The following SCNN1A variants were observed in gnomAD, a reference collection of about 807,000 sequenced individuals.
The protein encoded by SCNN1A is sodium channel epithelial 1 subunit alpha, also known as epithelial sodium channel subunit alpha.
Under a neutral mutation model 68.6 loss-of-function variants are expected in SCNN1A, and 65 were observed. That is an observed-to-expected ratio of 0.95 (90% CI 0.78 to 1.16). SCNN1A has a LOEUF of 1.16. Ranked by LOEUF, SCNN1A falls within the 50% of genes most tolerant of loss-of-function variation. SCNN1A has a pLI of 0.00. For missense variants in SCNN1A, 880 were observed against 865.9 expected, an observed-to-expected ratio of 1.02 and a Z score of -0.20; for synonymous variants, 357 against 353.3, an observed-to-expected ratio of 1.01 and a Z score of -0.12.
At chr12:6,348,844 G>C in intron 11 of SCNN1A, 42 bp from the exon 12 acceptor site, 1 of 1,604,754 alleles carries the variant, frequency 6.2e-7, no homozygotes, top group Non-Finnish European at 8.5e-7. Context: ...GGTAGAGGAT[G>C]AATTTCCTGG....
chr12:6,363,342 TGG>T, intron 3 of SCNN1A, 99 bp downstream of exon 3: 1 of 1,056,960 alleles, frequency 9.5e-7, no homozygotes. Context: ...GTGGTGTCAC[TGG>T]GCTGCGCGGG....
chr12:6,355,816 AGTT>A lies in SCNN1A; in HGVS notation c.937_939del (p.Asn313del), dbSNP rs1948487458. 6.2e-7 allele frequency: 1 copy of A among 1,613,500 alleles called. No homozygotes were observed. The highest frequency in any genetic ancestry group is 1.3e-5 in the African/African-American group (1 of 74,884). ...GGCATGGAAGACATCCAGAGGTTGG[AGTT>A]GTTCTTGTCATTGAAAGTATAGCAG... On this transcript the variant is annotated inframe_deletion, in exon 5 of 13. Coordinates refer to ENST00000228916, the MANE Select transcript of SCNN1A (RefSeq NM_001038.6).
At chr12:6,377,218 CA>C, upstream of SCNN1A, 1 of 1,537,496 alleles carries the variant, frequency 6.5e-7, no homozygotes, top group African/African-American at 1.4e-5. Flanking sequence ...AAGCCGGTGT[CA>C]ACCAGGATTC....
At chr12:6,375,132 C>T (rs953907705) in intron 1 of SCNN1A, 2 of 1,479,864 alleles carry the variant, frequency 1.4e-6, no homozygotes, top group Admixed American at 2.1e-5. Context: ...TAGCACCTCC[C>T]TTTCTGTCTC....
At chr12:6,377,102 G>C (rs531831963), upstream of SCNN1A, 13 of 604,074 alleles carry the variant, frequency 2.2e-5, no homozygotes, top group South Asian at 3.0e-4. Flanking sequence ...TGACAAGCAA[G>C]GAGTTTAGCA....
At chr12:6,354,018 C>A (rs909472130) in intron 8 of SCNN1A, 7 of 204,448 alleles carry the variant, frequency 3.4e-5, no homozygotes, top group Non-Finnish European at 6.1e-5. Context: ...ATCATGAGGT[C>A]AGGAGATTGA....
chr12:6,363,356 G>C (rs1565482513), intron 3 of SCNN1A, 87 bp downstream of exon 3: 2 of 1,207,032 alleles, frequency 1.7e-6, no homozygotes, highest in Admixed American at 3.6e-5. Flanking sequence ...CTGCGCGGGC[G>C]GGTCAGGAAA....
intron 8 of SCNN1A, among the ~76,000 whole-genome samples, chr12:6,350,620 T>C (rs1948368669): frequency 6.6e-6 from 1 of 152,120 alleles, no homozygotes; most frequent in Non-Finnish European, 1.5e-5. Flanking sequence ...GTGGATTACC[T>C]GAGGTCAGGA....
At chr12:6,375,293 TCC>T in intron 1 of SCNN1A, 14 of 1,435,384 alleles carry the variant, frequency 9.8e-6, no homozygotes, top group Non-Finnish European at 1.3e-5. Flanking sequence ...TCTCTTCCTC[TCC>T]CCCCCTTGCC....
intron 3 of SCNN1A, among the ~76,000 whole-genome samples, chr12:6,363,059 T>C (rs1948607194): frequency 7.1e-6 from 1 of 141,184 alleles, no homozygotes; most frequent in Non-Finnish European, 1.5e-5. Context: ...TGGAGGGTCC[T>C]AACTGAGTCC....
intron 2 of SCNN1A, among the ~76,000 whole-genome samples, chr12:6,370,592 G>A (rs1948772068): frequency 6.6e-6 from 1 of 152,226 alleles, no homozygotes; most frequent in South Asian, 2.1e-4. Context: ...CCATGGCAGG[G>A]TTAGAGGGAT....
intron 2 of SCNN1A, among the ~76,000 whole-genome samples, chr12:6,367,830 C>T (rs1948706275): frequency 6.6e-6 from 1 of 152,178 alleles, no homozygotes; most frequent in East Asian, 1.9e-4. Flanking sequence ...TTGAAAGAGC[C>T]CCCACGTGGT....
At chr12:6,349,440 C>T in intron 8 of SCNN1A, 35 bp from the exon 9 acceptor site, 2 of 1,496,022 alleles carry the variant, frequency 1.3e-6, no homozygotes, top group Non-Finnish European at 1.8e-6. Flanking sequence ...TCTCCTAGGG[C>T]ACCTCAGCTT....
intron 2 of SCNN1A, among the ~76,000 whole-genome samples, chr12:6,368,331 G>C (rs1263890013): frequency 1.3e-5 from 2 of 152,140 alleles, no homozygotes; most frequent in Non-Finnish European, 2.9e-5. Context: ...AGAAACACCC[G>C]GATTGGTTAC....
In SCNN1A at chr12:6,347,793, A is replaced by G. The variant is rs1029210809; in HGVS notation, c.*80T>C. The stretch of plus-strand genomic sequence containing the variant: ...GGGCGGCTCTGAGAGGAAGCCCTGC[A>G]CATCCTTCAATCTTGCCAGGGCCAG... On this transcript the variant is annotated 3_prime_UTR_variant, in exon 13 of 13. Transcript: ENST00000228916. 2.4e-6 allele frequency: 3 copies of G among 1,255,778 alleles called. No homozygotes were observed. The Admixed American group carries it at 5.7e-5, about 24-fold the overall frequency. 77.8% of individuals were successfully genotyped at this position (1,255,778 alleles called of 1,614,324 possible).
chr12:6,348,709 C>A lies in SCNN1A; in HGVS notation c.1629+18G>T. 1.2e-6 allele frequency: 2 copies of A among 1,606,842 alleles called. No individual in the cohort carries two copies. The highest frequency in any genetic ancestry group is 1.7e-5 in the Admixed American group (1 of 59,890). On this transcript the variant is annotated intron_variant, in intron 12 of 12. Coordinates refer to ENST00000228916, the MANE Select transcript of SCNN1A (RefSeq NM_001038.6). ...AAGACCCCCAGAGCATCACAGGCTC[C>A]ATCCAGGCACGACCTACCGTGACAG...
At chr12:6,368,572 G>C (rs898192637) in intron 2 of SCNN1A, among the ~76,000 whole-genome samples, 1 of 152,222 alleles carries the variant, frequency 6.6e-6, no homozygotes, top group Non-Finnish European at 1.5e-5. Context: ...ACAGTATACC[G>C]TTAGCCACTG....
At chr12:6,361,378 G>A (rs529327198) in intron 4 of SCNN1A, among the ~76,000 whole-genome samples, 55 of 152,326 alleles carry the variant, frequency 3.6e-4, no homozygotes, top group Middle Eastern at 6.8e-3. Context: ...TCAGGGAACA[G>A]AGTATGAGAC....
chr12:6,359,527 C>T (rs1441522271), intron 4 of SCNN1A, among the ~76,000 whole-genome samples: 1 of 152,100 alleles, frequency 6.6e-6, no homozygotes, highest in Non-Finnish European at 1.5e-5. Flanking sequence ...GCTTGGTGCC[C>T]TCCTCACAGT....
Sources: allele counts gnomAD v4.1 joint callset (sites outside exome capture counted in the v4.1 genomes callset), GRCh38; gene constraint gnomAD v4.1.1; transcripts MANE v1.5; gene names NCBI Gene and HGNC (gene_info 2026-07-23, HGNC 2026-07-21).